TMEM170A: variants seen among roughly 807,000 people sequenced by gnomAD.
The protein encoded by TMEM170A is transmembrane protein 170A.
A neutral mutation model predicts 12.8 loss-of-function variants in TMEM170A; 18 were observed. That is an observed-to-expected ratio of 1.41 (90% CI 0.97 to 2.09). The LOEUF (loss-of-function observed/expected upper bound fraction) is 2.09, where lower values mean the gene tolerates loss of function less well. Among genes scored for constraint, TMEM170A ranks in the 30% most tolerant of loss-of-function variants. The pLI, the probability that TMEM170A is intolerant of heterozygous loss-of-function variation, is 0.00. For synonymous variants in TMEM170A, 107 were observed against 76.2 expected, an observed-to-expected ratio of 1.40 and a Z score of -2.11; for missense variants, 220 against 179.9, an observed-to-expected ratio of 1.22 and a Z score of -1.28.
Position 75,462,380 on chromosome 16 carries a change from T to A in TMEM170A, c.133+2088A>T, listed in dbSNP as rs538540555. On this transcript the variant is annotated intron_variant, in intron 1 of 2. Transcript: ENST00000561878. ...GATTACAGGCACACACCACTACGCC[T>A]GACTTTTTAGTAGAGACAAGGTTTT... Among the ~76,000 whole-genome samples the A allele has an allele frequency of 6.6e-5, 10 of 152,262 alleles. No individual in the cohort carries two copies. The South Asian group carries it at 1.9e-3, about 28-fold the overall frequency.
chr16:75,457,890 GA>G (rs1051435239), intron 1 of TMEM170A, among the ~76,000 whole-genome samples: 26 of 151,936 alleles, frequency 1.7e-4, no homozygotes, highest in African/African-American at 6.0e-4. Context: ...TTTCAAGTAG[GA>G]AAAAAAGGTT....
rs146376752 is a variant in TMEM170A at position 75,447,523 on chromosome 16, A to G, written c.*35T>C. On this transcript the variant is annotated 3_prime_UTR_variant, in exon 3 of 3. Coordinates refer to ENST00000561878, the MANE Select transcript of TMEM170A (RefSeq NM_145254.3). ...TGTATTCTTTTGGAGGATTCCATAA[A>G]GTTTAAGTTCAACATCTCAGCATAA... 1 of 1,578,792 alleles carries G rather than the reference A, an allele frequency of 6.3e-7. No homozygotes were observed. Among genetic ancestry groups the G allele is most frequent in the South Asian group, 1.2e-5 (1 of 85,758 alleles).
intron 2 of TMEM170A, among the ~76,000 whole-genome samples, chr16:75,449,872 G>C (rs1183606163): frequency 6.6e-6 from 1 of 152,176 alleles, no homozygotes; most frequent in Non-Finnish European, 1.5e-5. Flanking sequence ...GTGGGATTGG[G>C]ATAATGAAGC....
rs34996006 is a variant in TMEM170A, at chr16:75,445,536, A to G, written c.*2022T>C. 0.52 allele frequency: 79,456 copies of G among 151,934 alleles called. 21,686 individuals are homozygous for G. Among genetic ancestry groups the G allele is most frequent in the Admixed American group, 0.64 (9,696 of 15,246 alleles). 9.4% of individuals were successfully genotyped at this position (151,934 alleles called of 1,614,324 possible). On this transcript the variant is annotated 3_prime_UTR_variant, in exon 3 of 3. Transcript: ENST00000561878. ...AGTCTTGAACTCTTGGGCTCAAGCA[A>G]TCCTCCCACATCGACCTCCCAAAGT...
At chr16:75,461,333 C>T (rs1285845412) in intron 1 of TMEM170A, among the ~76,000 whole-genome samples, 7 of 152,150 alleles carry the variant, frequency 4.6e-5, no homozygotes, top group Admixed American at 3.3e-4. Context: ...GGATTACAGG[C>T]GTGAGCCACG....
chr16:75,464,003 G>A (rs1011927415), intron 1 of TMEM170A, among the ~76,000 whole-genome samples: 3 of 152,248 alleles, frequency 2.0e-5, no homozygotes, highest in African/African-American at 2.4e-5. Flanking sequence ...TGCGCGGAGG[G>A]GCCGGGCTGC....
chr16:75,449,891 G>GA (rs1229083844), intron 2 of TMEM170A, among the ~76,000 whole-genome samples: 1 of 152,078 alleles, frequency 6.6e-6, no homozygotes, highest in Non-Finnish European at 1.5e-5. Context: ...GCGAAGAAAG[G>GA]AAAAAGTATA....
At chr16:75,464,432 G>C in intron 1 of TMEM170A, 36 bp downstream of exon 1, 1 of 1,404,318 alleles carries the variant, frequency 7.1e-7, no homozygotes, top group Non-Finnish European at 9.3e-7. Context: ...CGGCGACGGC[G>C]GGGCGCGCAG....
chr16:75,463,485 G>A (rs1567706743), intron 1 of TMEM170A, among the ~76,000 whole-genome samples: 1 of 152,152 alleles, frequency 6.6e-6, no homozygotes, highest in African/African-American at 2.4e-5. Flanking sequence ...CCAGGTGTCC[G>A]CTGAACGGCG....
In TMEM170A at chr16:75,445,621, A is replaced by AAG. The variant is rs2079571615; in HGVS notation, c.*1936_*1937insCT. ...CATAAGTGGTCTAATTAGTCAAAAG[A>AAG]ATATGTCCAGTTTTTGTGATCTCTT... On this transcript the variant is annotated 3_prime_UTR_variant, in exon 3 of 3. Coordinates refer to ENST00000561878, the MANE Select transcript of TMEM170A (RefSeq NM_145254.3). 6.6e-6 allele frequency: 1 copy of AAG among 152,094 alleles called. No homozygotes were observed. Among genetic ancestry groups the AAG allele is most frequent in the African/African-American group, 2.4e-5 (1 of 41,422 alleles). The allele number at this position is 152,094 out of a possible 1,614,324, so 9.4% of individuals were successfully genotyped here.
chr16:75,457,917 G>C (rs1309398205), intron 1 of TMEM170A, among the ~76,000 whole-genome samples: 2 of 152,146 alleles, frequency 1.3e-5, no homozygotes, highest in Non-Finnish European at 2.9e-5. Context: ...TAGATGAGTA[G>C]AGGAGTACAG....
At position 75,446,247 on chromosome 16, in the gene TMEM170A, A is replaced by G. The variant is rs1170262159; in HGVS notation, c.*1311T>C. The G allele has an allele frequency of 4.6e-5, 7 of 151,916 alleles. No homozygotes were observed. The allele number at this position is 151,916 out of a possible 1,614,324, so 9.4% of individuals were successfully genotyped here. On this transcript the variant is annotated 3_prime_UTR_variant, in exon 3 of 3. Transcript: ENST00000561878. Reference sequence around the variant, plus strand: ...TATTTTGCAGATAACCACCACCACTACCACCACACTGATTGTATTCCATAC... The same window carrying G: ...TATTTTGCAGATAACCACCACCACTGCCACCACACTGATTGTATTCCATAC...
chr16:75,449,303 AACAT>A (rs1221516016), intron 2 of TMEM170A, among the ~76,000 whole-genome samples: 1 of 151,340 alleles, frequency 6.6e-6, no homozygotes, highest in East Asian at 1.9e-4. Context: ...AATGCAAAAT[AACAT>A]ACAGTGTCTC....
chr16:75,446,416 T>A lies in TMEM170A; in HGVS notation c.*1142A>T, dbSNP rs1039304594. 5 of 152,242 alleles carry A rather than the reference T, an allele frequency of 3.3e-5. No homozygotes were observed. Among genetic ancestry groups the A allele is most frequent in the African/African-American group, 7.2e-5 (3 of 41,546 alleles). The allele number at this position is 152,242 out of a possible 1,614,324, so 9.4% of individuals were successfully genotyped here. A position where few individuals can be genotyped will look rare whatever the true frequency, so the allele number is the denominator to read the frequency against. On this transcript the variant is annotated 3_prime_UTR_variant, in exon 3 of 3. Coordinates refer to ENST00000561878, the MANE Select transcript of TMEM170A (RefSeq NM_145254.3). ...AATTTAAATAGCTAAAATTAAGTTTTAAAAAAACTCTTGATATTTAAATCT... is the reference window on the plus strand; with the variant it reads ...AATTTAAATAGCTAAAATTAAGTTTAAAAAAAACTCTTGATATTTAAATCT...
chr16:75,464,382 CGGG>C, intron 1 of TMEM170A, 83 bp downstream of exon 1: 1 of 1,374,484 alleles, frequency 7.3e-7, no homozygotes, highest in Non-Finnish European at 9.4e-7. Flanking sequence ...GCTGCGCACC[CGGG>C]ACCCCGCCCA....
At position 75,464,509 on chromosome 16, in the gene TMEM170A, C is replaced by T; in HGVS notation, c.92G>A (p.Gly31Glu). The T allele has an allele frequency of 3.8e-6, 6 of 1,584,736 alleles. No homozygotes were observed. Among genetic ancestry groups the T allele is most frequent in the Non-Finnish European group, 5.1e-6 (6 of 1,168,192 alleles). The change falls in exon 1 of 3, where the codon GGG (glycine) becomes GAG (glutamate). Residue 31 changes from glycine to glutamate, a missense_variant. Gly to Glu is a moderately conservative substitution (Grantham distance 98). Transcript: ENST00000561878. ...GGAAGTAGAGTTGGGGCACAGGGTC[C>T]CGTTGCCCACCCGCGGCACAACCTT... ...SLKVVPRVGN[G>E]TLCPNSTSLC...
intron 1 of TMEM170A, among the ~76,000 whole-genome samples, chr16:75,452,981 C>T (rs1277715650): frequency 1.3e-5 from 2 of 152,118 alleles, no homozygotes; most frequent in Non-Finnish European, 2.9e-5. Context: ...GGCTGCCTTC[C>T]AGCTTCAAGG....
intron 1 of TMEM170A, chr16:75,458,296 G>C (rs1419005894): frequency 6.6e-6 from 1 of 152,228 alleles, no homozygotes; most frequent in African/African-American, 2.4e-5. Context: ...CATTGTGGTA[G>C]AATGGGCTCC....
intron 1 of TMEM170A, among the ~76,000 whole-genome samples, chr16:75,455,923 G>C (rs1227281738): frequency 1.3e-5 from 2 of 152,110 alleles, no homozygotes; most frequent in African/African-American, 4.8e-5. Flanking sequence ...GAGGAGAGGA[G>C]GACCAGAAGC....
Sources: gnomAD v4.1 joint callset for allele counts (sites outside exome capture counted in the v4.1 genomes callset) on GRCh38, gnomAD v4.1.1 for gene constraint, MANE v1.5 for transcripts, NCBI Gene and HGNC (gene_info 2026-07-23, HGNC 2026-07-21) for gene names.